The following CBFA2T2 variants were observed in gnomAD, a reference collection of about 807,000 sequenced individuals.
CBFA2T2 encodes CBFA2/RUNX1 partner transcriptional co-repressor 2, also known as protein CBFA2T2.
CBFA2T2 carries 11 observed loss-of-function variants against 62.2 expected under a neutral mutation model. That is an observed-to-expected ratio of 0.18 (90% CI 0.11 to 0.29). The LOEUF is 0.29. Among genes scored for constraint, CBFA2T2 ranks in the 10% least tolerant of loss-of-function variants. CBFA2T2 has a pLI of 1.00. For synonymous variants in CBFA2T2, 295 were observed against 287.5 expected (o/e 1.03, Z -0.27); for missense variants, 592 against 774.1 (o/e 0.76, Z 2.79).
At chr20:33,579,105 G>GTTTTT (rs1299627561) in intron 1 of CBFA2T2, among the ~76,000 whole-genome samples, 1 of 140,124 alleles carries the variant, frequency 7.1e-6, no homozygotes, top group East Asian at 2.0e-4. Context: ...TTTTTTGGGG[G>GTTTTT]TTTTTTTTTG....
rs567328815 is a variant in CBFA2T2, at chr20:33,538,551, TAG to T, written c.34+48254_34+48255del. On this transcript the variant is annotated intron_variant, in intron 1 of 10. Transcript: ENST00000342704. ...CAGGCCTGGCTAATTGTATTTTTAG[TAG>T]AGACAAGGTTTTACCATGTTGCCTA... Among the ~76,000 whole-genome samples the T allele has an allele frequency of 4.2e-3, 638 of 152,262 alleles. 3 individuals are homozygous for T. The highest frequency in any genetic ancestry group is 0.014 in the African/African-American group (592 of 41,556).
At position 33,533,272 on chromosome 20, in the gene CBFA2T2, G is replaced by A. The variant is rs193186222; in HGVS notation, c.34+42971G>A. ...CCATAAAGTATCCTTGTGCCCATTG[G>A]TAATCTCTCCCTCCCATGCTCCCCC... On this transcript the variant is annotated intron_variant, in intron 1 of 10. Transcript: ENST00000342704. Among the ~76,000 whole-genome samples the A allele has an allele frequency of 2.0e-5, 3 of 152,214 alleles. 1 individual carries two copies. The highest frequency in any genetic ancestry group is 4.1e-4 in the South Asian group (2 of 4,824).
intron 1 of CBFA2T2, among the ~76,000 whole-genome samples, chr20:33,495,707 G>A (rs551733299): frequency 6.6e-6 from 1 of 152,230 alleles, no homozygotes; most frequent in East Asian, 1.9e-4. Flanking sequence ...AGAAAAAAAT[G>A]TAATGGTTAA....
chr20:33,621,287 C>CCTTTTTTTTT (rs2015957115), intron 4 of CBFA2T2, among the ~76,000 whole-genome samples: 1 of 85,296 alleles, frequency 1.2e-5, no homozygotes, highest in African/African-American at 5.2e-5. Context: ...ATTTTACTGC[C>CCTTTTTTTTT]TTTTTTTTTT....
intron 8 of CBFA2T2, among the ~76,000 whole-genome samples, chr20:33,633,840 G>T (rs960036574): frequency 6.6e-6 from 1 of 151,634 alleles, no homozygotes; most frequent in African/African-American, 2.4e-5. Context: ...GGGGTTGCTG[G>T]TACTGTTCTG....
In CBFA2T2 at chr20:33,649,673, A is replaced by T. The variant is rs1017777886; in HGVS notation, c.*5027A>T. 1.3e-5 allele frequency: 2 copies of T among 152,322 alleles called. No individual in the cohort carries two copies. The highest frequency in any genetic ancestry group is 4.8e-5 in the African/African-American group (2 of 41,460). 9.4% of individuals were successfully genotyped at this position (152,322 alleles called of 1,614,324 possible). A position where few individuals can be genotyped will look rare whatever the true frequency, so the allele number is the denominator to read the frequency against. On this transcript the variant is annotated 3_prime_UTR_variant, in exon 11 of 11. Coordinates refer to ENST00000342704, the MANE Select transcript of CBFA2T2 (RefSeq NM_001032999.3). ...AGTCGGCAGAGAAGCAGCAATAAGC[A>T]TTAGGCGAATGATTGAAAGGGCTGC...
At chr20:33,498,850 C>T (rs1194647656) in intron 1 of CBFA2T2, among the ~76,000 whole-genome samples, 1 of 151,980 alleles carries the variant, frequency 6.6e-6, no homozygotes, top group Non-Finnish European at 1.5e-5. Flanking sequence ...CGAGACCAGC[C>T]TGGCCAACAT....
chr20:33,595,401 G>A (rs1310633835), intron 1 of CBFA2T2, among the ~76,000 whole-genome samples: 6 of 151,880 alleles, frequency 4.0e-5, no homozygotes, highest in African/African-American at 1.2e-4. Context: ...TAGTAGAGAC[G>A]GGGTTTCACC....
intron 1 of CBFA2T2, among the ~76,000 whole-genome samples, chr20:33,503,193 T>C (rs1159335260): frequency 6.6e-6 from 1 of 150,778 alleles, no homozygotes; most frequent in Non-Finnish European, 1.5e-5. Context: ...CTAGGAAATA[T>C]ATACACACAC....
chr20:33,563,508 ACTTTTTAC>A (rs2013167388), intron 1 of CBFA2T2, among the ~76,000 whole-genome samples: 2 of 152,070 alleles, frequency 1.3e-5, no homozygotes, highest in South Asian at 4.1e-4. Flanking sequence ...GCACCTGGCC[ACTTTTTAC>A]TGTTTCCATA....
chr20:33,628,283 C>G (rs2016323328), intron 6 of CBFA2T2, 67 bp from the exon 7 acceptor site: 1 of 1,018,210 alleles, frequency 9.8e-7, no homozygotes, highest in African/African-American at 1.6e-5. Flanking sequence ...TGTGTATTTA[C>G]TTGGTAGAAT....
chr20:33,536,059 A>G (rs952202330), intron 1 of CBFA2T2, among the ~76,000 whole-genome samples: 6 of 152,212 alleles, frequency 3.9e-5, no homozygotes, highest in African/African-American at 1.4e-4. Flanking sequence ...AAAGTCTCAC[A>G]TGTCTACTTC....
chr20:33,564,269 T>C (rs201231913), intron 1 of CBFA2T2, among the ~76,000 whole-genome samples: 43 of 151,358 alleles, frequency 2.8e-4, no homozygotes, highest in African/African-American at 9.2e-4. Context: ...TTCTTTCTTT[T>C]TTTTTTTTTT....
intron 1 of CBFA2T2, among the ~76,000 whole-genome samples, chr20:33,514,753 G>A (rs900567964): frequency 5.9e-5 from 9 of 151,764 alleles, no homozygotes; most frequent in South Asian, 2.1e-4. Context: ...GCTGGAGTGC[G>A]ATGGTGGGGT....
chr20:33,602,895 T>C (rs2122276546), intron 1 of CBFA2T2, among the ~76,000 whole-genome samples: 1 of 152,290 alleles, frequency 6.6e-6, no homozygotes, highest in South Asian at 2.1e-4. Flanking sequence ...CCACAAGCAC[T>C]GCAAAACCAT....
At chr20:33,643,785 A>AG (rs2016940168) in intron 10 of CBFA2T2, among the ~76,000 whole-genome samples, 2 of 32,414 alleles carry the variant, frequency 6.2e-5, no homozygotes, top group African/African-American at 3.4e-4. Flanking sequence ...ATATATATAT[A>AG]TATATATATA....
At chr20:33,510,459 C>T (rs2011490199) in intron 1 of CBFA2T2, among the ~76,000 whole-genome samples, 1 of 152,062 alleles carries the variant, frequency 6.6e-6, no homozygotes, top group African/African-American at 2.4e-5. Flanking sequence ...GATCCGCCCG[C>T]CTCGGCCTCT....
chr20:33,520,860 GT>G (rs1226843112), intron 1 of CBFA2T2, among the ~76,000 whole-genome samples: 1 of 151,694 alleles, frequency 6.6e-6, no homozygotes, highest in African/African-American at 2.4e-5. Flanking sequence ...ACTCATGAGT[GT>G]TTTCGTTTAT....
chr20:33,635,160 C>T (rs980283935), intron 8 of CBFA2T2, among the ~76,000 whole-genome samples: 3 of 152,126 alleles, frequency 2.0e-5, no homozygotes, highest in African/African-American at 4.8e-5. Flanking sequence ...TAGACTTAGT[C>T]GTTTAGCATC....
Sources: allele counts gnomAD v4.1 joint callset (sites outside exome capture counted in the v4.1 genomes callset), GRCh38; gene constraint gnomAD v4.1.1; transcripts MANE v1.5; gene names NCBI Gene and HGNC (gene_info 2026-07-23, HGNC 2026-07-21).